The following XKR9 variants were observed in gnomAD, a reference collection of about 807,000 sequenced individuals.
XKR9 encodes XK-related protein 9.
A neutral mutation model predicts 32.0 loss-of-function variants in XKR9; 32 were observed. The ratio of observed to expected loss-of-function variants is 1.00; its 90% CI spans 0.76 to 1.34. XKR9 has a LOEUF of 1.34. XKR9 is among the 40% of genes most tolerant of loss of function. The probability of loss-of-function intolerance (pLI) is 0.00; values close to 1 mark genes in which losing one functional copy is unlikely to be tolerated. For missense variants in XKR9, 546 were observed against 429.7 expected, an observed-to-expected ratio of 1.27 and a Z score of -2.39; for synonymous variants, 168 against 143.4, an observed-to-expected ratio of 1.17 and a Z score of -1.22.
intron 3 of XKR9, among the ~76,000 whole-genome samples, chr8:70,700,888 G>C (rs1805502396): frequency 6.6e-6 from 1 of 152,222 alleles, no homozygotes; most frequent in South Asian, 2.1e-4. Flanking sequence ...CCTGGGCAAT[G>C]GTGGGCACCC....
intron 2 of XKR9, among the ~76,000 whole-genome samples, chr8:70,757,574 T>C (rs1286489574): frequency 6.6e-6 from 1 of 151,966 alleles, no homozygotes; most frequent in African/African-American, 2.4e-5. Flanking sequence ...TATGTATGTA[T>C]GTATGTATGT....
intron 2 of XKR9, among the ~76,000 whole-genome samples, chr8:70,788,215 T>C (rs1807713777): frequency 6.6e-6 from 1 of 152,098 alleles, no homozygotes; most frequent in Admixed American, 6.6e-5. Context: ...AACGTAGTTC[T>C]GAGAATGGGG....
chr8:70,761,786 T>A (rs1420673004), intron 2 of XKR9, among the ~76,000 whole-genome samples: 1 of 152,196 alleles, frequency 6.6e-6, no homozygotes, highest in Non-Finnish European at 1.5e-5. Flanking sequence ...ATATCCTGAA[T>A]GGTATCGCCT....
intron 4 of XKR9, among the ~76,000 whole-genome samples, chr8:70,731,029 C>T (rs1487688289): frequency 6.6e-6 from 1 of 152,186 alleles, no homozygotes; most frequent in African/African-American, 2.4e-5. Flanking sequence ...CAGGGTCCCA[C>T]AGCAAAGTTT....
chr8:70,990,832 T>G, the XKR9 span, among the ~76,000 whole-genome samples: 1 of 151,810 alleles, frequency 6.6e-6, no homozygotes, highest in African/African-American at 2.4e-5. Context: ...TTTCAGAAAC[T>G]TGGGATCATT....
At chr8:70,905,796 A>T in the XKR9 span, among the ~76,000 whole-genome samples, 1 of 152,046 alleles carries the variant, frequency 6.6e-6, no homozygotes, top group African/African-American at 2.4e-5. Flanking sequence ...TGACGCACGG[A>T]TGGGGTTTTG....
chr8:71,051,882 A>G, the XKR9 span, among the ~76,000 whole-genome samples: 1 of 152,230 alleles, frequency 6.6e-6, no homozygotes, highest in Non-Finnish European at 1.5e-5. Flanking sequence ...TCTATCGTGA[A>G]GTTGTATCAG....
chr8:70,959,160 G>C, the XKR9 span, among the ~76,000 whole-genome samples: 5 of 152,114 alleles, frequency 3.3e-5, no homozygotes, highest in Admixed American at 6.5e-5. Flanking sequence ...TTTTAAAAAT[G>C]AGCACATTTG....
the XKR9 span, among the ~76,000 whole-genome samples, chr8:70,839,419 T>A: frequency 7.3e-4 from 111 of 152,284 alleles, no homozygotes; most frequent in African/African-American, 2.5e-3. Flanking sequence ...TCAGAGATTT[T>A]AAGACTTGGT....
chr8:70,984,774 CT>C, the XKR9 span, among the ~76,000 whole-genome samples: 1 of 152,058 alleles, frequency 6.6e-6, no homozygotes, highest in African/African-American at 2.4e-5. Flanking sequence ...GGACTTAAGC[CT>C]GTGAAAATGT....
chr8:70,787,362 C>G (rs374836668), intron 2 of XKR9, among the ~76,000 whole-genome samples: 2 of 152,078 alleles, frequency 1.3e-5, no homozygotes, highest in East Asian at 3.8e-4. Flanking sequence ...TCTCAAAAGA[C>G]CACCCTAGTG....
At chr8:70,919,629 C>G in the XKR9 span, among the ~76,000 whole-genome samples, 5 of 152,114 alleles carry the variant, frequency 3.3e-5, no homozygotes, top group African/African-American at 1.2e-4. Context: ...CTCTAGAAGT[C>G]TTTTCTTTCC....
At chr8:70,738,912 G>T (rs1425153071), downstream of XKR9, among the ~76,000 whole-genome samples, 20 of 152,280 alleles carry the variant, frequency 1.3e-4, no homozygotes, top group Admixed American at 9.8e-4. Flanking sequence ...TTTTGGAATA[G>T]GTGTGGTGTG....
chr8:70,823,641 A>T, the XKR9 span, among the ~76,000 whole-genome samples: 1 of 152,226 alleles, frequency 6.6e-6, no homozygotes, highest in South Asian at 2.1e-4. Context: ...AACTTTTGGT[A>T]AGAGAAAATT....
At chr8:70,716,626 C>G (rs995831518) in intron 4 of XKR9, among the ~76,000 whole-genome samples, 1 of 152,114 alleles carries the variant, frequency 6.6e-6, no homozygotes, top group Admixed American at 6.5e-5. Context: ...TCTACCGTGT[C>G]CCTTCCATGA....
chr8:70,868,866 AG>A, the XKR9 span, among the ~76,000 whole-genome samples: 1 of 152,286 alleles, frequency 6.6e-6, no homozygotes, highest in African/African-American at 2.4e-5. Flanking sequence ...ATAGCACCCA[AG>A]TCACCTCTTG....
At chr8:71,039,860 A>G in the XKR9 span, among the ~76,000 whole-genome samples, 1 of 152,170 alleles carries the variant, frequency 6.6e-6, no homozygotes, top group Non-Finnish European at 1.5e-5. Context: ...TGGAGCTTCC[A>G]TTCAATATTT....
chr8:70,682,261 T>G (rs1819106160), intron 3 of XKR9, among the ~76,000 whole-genome samples: 1 of 152,156 alleles, frequency 6.6e-6, no homozygotes, highest in Non-Finnish European at 1.5e-5. Flanking sequence ...AATACATATG[T>G]AATAGGTAAG....
chr8:70,711,643 G>A (rs959720813), intron 4 of XKR9, among the ~76,000 whole-genome samples: 2 of 150,328 alleles, frequency 1.3e-5, no homozygotes, highest in South Asian at 2.1e-4. Context: ...AGGGTGGGAA[G>A]AGGGTGAGGA....
Sources: allele counts gnomAD v4.1 joint callset (sites outside exome capture counted in the v4.1 genomes callset), GRCh38; gene constraint gnomAD v4.1.1; transcripts MANE v1.5; gene names NCBI Gene and HGNC (gene_info 2026-07-23, HGNC 2026-07-21).